The following ZNF668 variants were observed in gnomAD, a reference collection of about 807,000 sequenced individuals.
ZNF668 encodes the protein zinc finger protein 668.
A neutral mutation model predicts 40.3 loss-of-function variants in ZNF668; 10 were observed. The ratio of observed to expected loss-of-function variants is 0.25; its 90% CI spans 0.15 to 0.42. The LOEUF (loss-of-function observed/expected upper bound fraction) is 0.42, where lower values mean the gene tolerates loss of function less well. Ranked by LOEUF, ZNF668 falls within the 10% of genes least tolerant of loss-of-function variation. ZNF668 has a pLI of 1.00. For missense variants in ZNF668, 749 were observed against 904.6 expected, an observed-to-expected ratio of 0.83 and a Z score of 2.21; for synonymous variants, 428 against 384.6, an observed-to-expected ratio of 1.11 and a Z score of -1.32.
In ZNF668 at chr16:31,064,448, C is replaced by T. The variant is rs755957895; in HGVS notation, c.12G>A (p.Glu4=). 3 of 1,610,718 alleles carry T rather than the reference C, an allele frequency of 1.9e-6. No individual in the cohort carries two copies. Among genetic ancestry groups the T allele is most frequent in the Non-Finnish European group, 2.5e-6 (3 of 1,179,834 alleles). The change falls in exon 2 of 3, where the codon GAG becomes GAA. Residue 4 remains glutamate (E), a synonymous_variant. Transcript: ENST00000300849. ...GGGCTGGGGACCGGGCCTCTGCAGC[C>T]TCCACTTCCATGGCCTTGGTGAACG... MEV[E]AAEARSPAPG...
rs769201151 is a variant in ZNF668 at position 31,064,251 on chromosome 16, C to G, written c.209G>C (p.Ser70Thr). The G allele has an allele frequency of 1.5e-5, 24 of 1,613,564 alleles. No individual in the cohort carries two copies. The East Asian group carries it at 4.9e-4, about 33-fold the overall frequency. ...PETEAKAEEASGEKVSGSAAK... is the reference protein window; with the variant it reads ...PETEAKAEEATGEKVSGSAAK... ...CGCGGAGCCTGACACCTTCTCCCCA[C>G]TGGCTTCCTCTGCCTTAGCTTCTGT... is the stretch of plus-strand genomic sequence containing the variant. Residue 70 changes from serine (S) to threonine (T), a missense_variant, in exon 2 of 3, where the codon AGT (serine) becomes ACT (threonine). Transcript: ENST00000300849.
At chr16:31,065,190 T>C (rs2056972288) in intron 1 of ZNF668, 5 of 953,298 alleles carry the variant, frequency 5.2e-6, no homozygotes, top group Non-Finnish European at 6.3e-6. Context: ...TGGAAGCCTC[T>C]TTCTGAGTCA....
In ZNF668 at chr16:31,065,338, C is replaced by T. The variant is rs184812728; in HGVS notation, c.-22-857G>A. Among the ~76,000 whole-genome samples the T allele has an allele frequency of 7.0e-3, 1,071 of 152,306 alleles. 5 individuals are homozygous for T. The highest frequency in any genetic ancestry group is 9.8e-3 in the Non-Finnish European group (665 of 68,030). On this transcript the variant is annotated intron_variant, in intron 1 of 2. Coordinates refer to ENST00000300849, the MANE Select transcript of ZNF668 (RefSeq NM_024706.5). ...GGTTGGGAGGAAACAGGATTAATGG[C>T]TGTATTAGTCTTAACACCAGCTCAT... is the stretch of plus-strand genomic sequence containing the variant.
intron 1 of ZNF668, 91 bp from the exon 2 acceptor site, chr16:31,064,572 C>G: frequency 6.4e-7 from 1 of 1,570,518 alleles, no homozygotes; most frequent in African/African-American, 1.3e-5. Context: ...CATTTCTCAC[C>G]TCGGAACCCA....
intron 2 of ZNF668, among the ~76,000 whole-genome samples, chr16:31,063,321 G>A (rs762611224): frequency 8.5e-4 from 130 of 152,086 alleles, no homozygotes; most frequent in Non-Finnish European, 1.3e-3. Flanking sequence ...TTATAGAGAC[G>A]AGGCTTGCTG....
In ZNF668 at chr16:31,062,112, G is replaced by A. The variant is rs762186490; in HGVS notation, c.816C>T (p.Arg272=). ...GGAAGGGCTTCTCCCCCGAGTGCGT[G>A]CGCTCGTGGCTCTGGTAGGAACTGA... ...TQLSSYQSHE[R]THSGEKPFLC... Residue 272 remains arginine, a synonymous_variant, in exon 3 of 3, where the codon CGC becomes CGT. Coordinates refer to ENST00000300849, the MANE Select transcript of ZNF668 (RefSeq NM_024706.5). The A allele has an allele frequency of 6.2e-7, 1 of 1,613,820 alleles. No homozygotes were observed. The highest frequency in any genetic ancestry group is 1.1e-5 in the South Asian group (1 of 91,074).
intron 1 of ZNF668, among the ~76,000 whole-genome samples, chr16:31,069,754 G>A (rs1214031492): frequency 2.0e-5 from 3 of 147,030 alleles, no homozygotes; most frequent in Admixed American, 6.8e-5. Flanking sequence ...ACAGGTGCCC[G>A]CCACCACGCC....
chr16:31,064,892 GA>G, intron 1 of ZNF668: 8 of 1,412,280 alleles, frequency 5.7e-6, no homozygotes, highest in Non-Finnish European at 7.4e-6. Context: ...CAAGCGCCCA[GA>G]AAAGACAGAC....
At position 31,064,102 on chromosome 16, in the gene ZNF668, G is replaced by A. The variant is rs566874117; in HGVS notation, c.358C>T (p.Arg120Cys). 3.1e-6 allele frequency: 5 copies of A among 1,605,240 alleles called. No homozygotes were observed. Among genetic ancestry groups the A allele is most frequent in the South Asian group, 2.2e-5 (2 of 90,838 alleles). ...KPFPCPECGR[R>C]FMQPVCLRVH... Reference sequence around the variant, plus strand: ...CGCAGGCACACGGGCTGCATGAAGCGGCGGCCGCACTCGGGGCACGGAAAG... The same window carrying A: ...CGCAGGCACACGGGCTGCATGAAGCAGCGGCCGCACTCGGGGCACGGAAAG... Residue 120 changes from arginine (R) to cysteine (C), a missense_variant, in exon 2 of 3, where the codon CGC becomes TGC. Arg to Cys is a radical substitution (Grantham distance 180, BLOSUM62 -3). Around this residue, in one of 4 missense-constraint regions of ZNF668, gnomAD observed 151 missense variants for 178.6 expected, o/e 0.85. Transcript: ENST00000300849.
rs1230878893 is a variant in ZNF668 at position 31,064,283 on chromosome 16, C to T, written c.177G>A (p.Lys59=). The change falls in exon 2 of 3, where the codon AAG becomes AAA. Residue 59 remains lysine (K), a synonymous_variant. Transcript: ENST00000300849. ...CSEEVAEVKP[K]PETEAKAEEA... ...CCTCTGCCTTAGCTTCTGTCTCTGG[C>T]TTTGGCTTCACCTCGGCCACCTCTT... 9.3e-6 allele frequency: 15 copies of T among 1,613,742 alleles called. No individual in the cohort carries two copies. In the Admixed American group the frequency reaches 2.2e-4, roughly 23 times the overall value.
chr16:31,065,083 G>A, intron 1 of ZNF668: 1 of 1,030,244 alleles, frequency 9.7e-7, no homozygotes, highest in Non-Finnish European at 1.2e-6. Context: ...CCCCAGACTG[G>A]AATCTGTCCA....
intron 1 of ZNF668, among the ~76,000 whole-genome samples, chr16:31,066,832 G>A (rs1187651481): frequency 1.3e-5 from 2 of 152,120 alleles, no homozygotes; most frequent in Admixed American, 6.6e-5. Flanking sequence ...TCTGGATGAG[G>A]TACTCACTAC....
chr16:31,070,525 AAT>A (rs1206646890), intron 1 of ZNF668, among the ~76,000 whole-genome samples: 1 of 148,910 alleles, frequency 6.7e-6, no homozygotes, highest in Non-Finnish European at 1.5e-5. Context: ...CTTTTTAAAA[AAT>A]GTTTTTATTT....
intron 1 of ZNF668, among the ~76,000 whole-genome samples, chr16:31,072,072 G>GCTTA (rs2057018999): frequency 6.6e-6 from 1 of 152,188 alleles, no homozygotes; most frequent in Non-Finnish European, 1.5e-5. Flanking sequence ...AAAGAAACAA[G>GCTTA]CTTACTAGTC....
At chr16:31,062,307 G>T (rs757071076) in intron 2 of ZNF668, 27 bp from the exon 3 acceptor site, 4 of 1,567,592 alleles carry the variant, frequency 2.6e-6, no homozygotes, top group Non-Finnish European at 3.4e-6. Context: ...GACTTGGCAT[G>T]AAGGCGACAG....
intron 1 of ZNF668, chr16:31,064,704 G>T: frequency 6.5e-7 from 1 of 1,535,068 alleles, no homozygotes. Flanking sequence ...GGAGGCTGAG[G>T]GTCACAAAAG....
chr16:31,070,162 C>T (rs1405969701), intron 1 of ZNF668, among the ~76,000 whole-genome samples: 1 of 152,090 alleles, frequency 6.6e-6, no homozygotes, highest in African/African-American at 2.4e-5. Flanking sequence ...TCGTGATCCG[C>T]CCGCCTCGGC....
rs1596754438 is a variant in ZNF668 at position 31,064,862 on chromosome 16, G to A, written c.-22-381C>T. 2.1e-6 allele frequency: 3 copies of A among 1,430,882 alleles called. No homozygotes were observed. The East Asian group carries it at 7.6e-5, about 36-fold the overall frequency. 88.6% of individuals were successfully genotyped at this position (1,430,882 alleles called of 1,614,324 possible). On this transcript the variant is annotated intron_variant, in intron 1 of 2. Coordinates refer to ENST00000300849, the MANE Select transcript of ZNF668 (RefSeq NM_024706.5). Reference sequence around the variant, plus strand: ...CAGGATAAAGAGTGTACCCAGACGTGGGCCTGGCCTGAAGGTCTCCAAGCG... The same window carrying A: ...CAGGATAAAGAGTGTACCCAGACGTAGGCCTGGCCTGAAGGTCTCCAAGCG...
intron 1 of ZNF668, among the ~76,000 whole-genome samples, chr16:31,065,276 C>A (rs1227945503): frequency 6.6e-6 from 1 of 152,248 alleles, no homozygotes; most frequent in Non-Finnish European, 1.5e-5. Context: ...TGGTCCAGAA[C>A]CCAGACGCCC....
Sources: gnomAD v4.1 joint callset for allele counts (sites outside exome capture counted in the v4.1 genomes callset) on GRCh38, gnomAD v4.1.1 for gene constraint, gnomAD v4.1.1 regional missense constraint, MANE v1.5 for transcripts, NCBI Gene and HGNC (gene_info 2026-07-23, HGNC 2026-07-21) for gene names.